SLCO1A2: variants seen among roughly 807,000 people sequenced by gnomAD.
The protein encoded by SLCO1A2 is OATP-1.
In SLCO1A2, 67 loss-of-function variants were observed where a neutral mutation model predicts 69.0. That is an observed-to-expected ratio of 0.97 (90% CI 0.80 to 1.19). SLCO1A2 has a LOEUF of 1.19. SLCO1A2 is among the 50% of genes most tolerant of loss of function. The pLI is 0.00. For synonymous variants in SLCO1A2, 260 were observed against 265.9 expected (o/e 0.98, Z 0.22); for missense variants, 787 against 793.7 (o/e 0.99, Z 0.10).
At chr12:21,306,832 G>T in intron 5 of SLCO1A2, 50 bp downstream of exon 5, 1 of 1,175,706 alleles carries the variant, frequency 8.5e-7, no homozygotes, top group Admixed American at 1.7e-5. Context: ...AGCAGAAAGT[G>T]TTTAGTTATA....
rs1941954461 is a variant in SLCO1A2 at position 21,414,122 on chromosome 12, C to G, written c.-312+3760G>C. Reference sequence around the variant, plus strand: ...TTGAGTTGGTCTGGCGGAACTATCTCCAACCTTCCCCCTGTATCCAGCAAT... The same window carrying G: ...TTGAGTTGGTCTGGCGGAACTATCTGCAACCTTCCCCCTGTATCCAGCAAT... On this transcript the variant is annotated intron_variant, in intron 1 of 4. Transcript: ENST00000413682. Among the ~76,000 whole-genome samples, 4 of 152,114 alleles carry G rather than the reference C, an allele frequency of 2.6e-5. 1 individual carries two copies. In the South Asian group the frequency reaches 8.3e-4, roughly 32 times the overall value.
Position 21,266,849 on chromosome 12 carries a change from A to G in SLCO1A2, c.*2699T>C, listed in dbSNP as rs1942115273. 6.6e-6 allele frequency: 1 copy of G among 152,180 alleles called. No individual in the cohort carries two copies. Among genetic ancestry groups the G allele is most frequent in the Non-Finnish European group, 1.5e-5 (1 of 68,024 alleles). 9.4% of individuals were successfully genotyped at this position (152,180 alleles called of 1,614,324 possible). On this transcript the variant is annotated 3_prime_UTR_variant, in exon 15 of 15. Transcript: ENST00000683939. ...GGATTCACAAAGAAACTGTGTAAGC[A>G]TCTGTAAATATAGGTTAATTTTTGA...
At chr12:21,333,022 CTAGCTATTTTT>C (rs532985368) in intron 2 of SLCO1A2, among the ~76,000 whole-genome samples, 155 of 152,166 alleles carry the variant, frequency 1.0e-3, no homozygotes, top group African/African-American at 3.4e-3. Flanking sequence ...GGCCATATCT[CTAGCTATTTTT>C]TATATTGAAT....
At chr12:21,405,037 C>T (rs529176094) in intron 1 of SLCO1A2, among the ~76,000 whole-genome samples, 23 of 149,070 alleles carry the variant, frequency 1.5e-4, no homozygotes, top group Non-Finnish European at 2.8e-4. Context: ...CATCTTCTTT[C>T]GAGAAGTGTC....
At chr12:21,406,066 T>C (rs1014552249) in intron 1 of SLCO1A2, among the ~76,000 whole-genome samples, 1 of 152,258 alleles carries the variant, frequency 6.6e-6, no homozygotes, top group East Asian at 1.9e-4. Context: ...ATGGATTTTG[T>C]CTGGTTGAAG....
upstream of SLCO1A2, among the ~76,000 whole-genome samples, chr12:21,398,964 C>T (rs1217477084): frequency 1.3e-5 from 2 of 150,766 alleles, no homozygotes; most frequent in East Asian, 4.2e-4. Flanking sequence ...AAAACTGGCA[C>T]AAGACAGGGA....
At chr12:21,330,811 T>G (rs1255778732) in intron 2 of SLCO1A2, among the ~76,000 whole-genome samples, 1 of 152,130 alleles carries the variant, frequency 6.6e-6, no homozygotes, top group Non-Finnish European at 1.5e-5. Flanking sequence ...TTCCTTTAAT[T>G]GTAGCCAACT....
At chr12:21,287,019 TTAAAC>T (rs571398045) in intron 12 of SLCO1A2, among the ~76,000 whole-genome samples, 9,810 of 133,452 alleles carry the variant, frequency 0.074, 393 homozygotes, top group Non-Finnish European at 0.12. Flanking sequence ...TGGGATCTAA[TTAAAC>T]TAAAGAGCTT....
At chr12:21,377,342 T>TA (rs1218531349) in intron 1 of SLCO1A2, among the ~76,000 whole-genome samples, 1 of 152,238 alleles carries the variant, frequency 6.6e-6, no homozygotes, top group Non-Finnish European at 1.5e-5. Flanking sequence ...GACTTTATGA[T>TA]ATTCTCTTTT....
At chr12:21,373,542 A>T in intron 2 of SLCO1A2, 1 of 767,734 alleles carries the variant, frequency 1.3e-6, no homozygotes, top group Middle Eastern at 2.2e-4. Flanking sequence ...TATCATACTT[A>T]AGAACAGTAC....
chr12:21,373,113 A>T, intron 2 of SLCO1A2: 3 of 552,480 alleles, frequency 5.4e-6, no homozygotes, highest in Non-Finnish European at 6.4e-6. Flanking sequence ...AATGTATTAC[A>T]ATATAAATGT....
At chr12:21,365,028 C>T (rs1162851528) in intron 2 of SLCO1A2, among the ~76,000 whole-genome samples, 2 of 152,122 alleles carry the variant, frequency 1.3e-5, no homozygotes, top group Admixed American at 6.5e-5. Context: ...ACTTTCTTCA[C>T]AGAATTGGAA....
At chr12:21,313,742 G>A (rs531784921) in intron 4 of SLCO1A2, among the ~76,000 whole-genome samples, 10 of 151,448 alleles carry the variant, frequency 6.6e-5, no homozygotes, top group South Asian at 2.1e-4. Context: ...AGGCCGAGGC[G>A]GGCGGGTCAC....
chr12:21,380,814 A>G (rs369397634), intron 1 of SLCO1A2, among the ~76,000 whole-genome samples: 32 of 152,252 alleles, frequency 2.1e-4, no homozygotes, highest in African/African-American at 7.2e-4. Flanking sequence ...AAGTGCTAGA[A>G]TGGGTAGCTA....
At chr12:21,310,457 A>G (rs74646283) in intron 4 of SLCO1A2, among the ~76,000 whole-genome samples, 2,662 of 152,346 alleles carry the variant, frequency 0.017, 43 homozygotes, top group Non-Finnish European at 0.027. Context: ...CTCCACGCTG[A>G]TGGCTGCTGG....
chr12:21,266,831 C>A lies in SLCO1A2; in HGVS notation c.*2717G>T, dbSNP rs556173296. On this transcript the variant is annotated 3_prime_UTR_variant, in exon 15 of 15. Transcript: ENST00000683939. ...TAAAATAAAACCATAGGTGGATTCA[C>A]AAAGAAACTGTGTAAGCATCTGTAA... The A allele has an allele frequency of 6.6e-6, 1 of 152,030 alleles. No individual in the cohort carries two copies. The highest frequency in any genetic ancestry group is 1.9e-4 in the East Asian group (1 of 5,182). 9.4% of individuals were successfully genotyped at this position (152,030 alleles called of 1,614,324 possible).
At chr12:21,380,721 T>G (rs953372941) in intron 1 of SLCO1A2, among the ~76,000 whole-genome samples, 1 of 152,184 alleles carries the variant, frequency 6.6e-6, no homozygotes, top group South Asian at 2.1e-4. Context: ...TTTTGGTGAC[T>G]ACGTTTATCT....
chr12:21,395,156 G>C (rs2137169390), exon 1 of SLCO1A2: 1 of 155,492 alleles, frequency 6.4e-6, no homozygotes, highest in East Asian at 1.9e-4. Flanking sequence ...GCGCAGGTCA[G>C]TGGGTGCGCG....
chr12:21,318,375 T>G (rs976159055), intron 3 of SLCO1A2, among the ~76,000 whole-genome samples: 4 of 152,132 alleles, frequency 2.6e-5, no homozygotes, highest in African/African-American at 9.7e-5. Flanking sequence ...CATCTCCGCC[T>G]CCCAAAGTGC....
Sources: gnomAD v4.1 joint callset for allele counts (sites outside exome capture counted in the v4.1 genomes callset) on GRCh38, gnomAD v4.1.1 for gene constraint, MANE v1.5 for transcripts, NCBI Gene and HGNC (gene_info 2026-07-23, HGNC 2026-07-21) for gene names.